The following CFAP61 variants were observed in gnomAD, a reference collection of about 807,000 sequenced individuals.
The protein encoded by CFAP61 is cilia- and flagella-associated protein 61.
Under a neutral mutation model 135.6 loss-of-function variants are expected in CFAP61, and 107 were observed. That is an observed-to-expected ratio of 0.79 (90% CI 0.67 to 0.93). The LOEUF (loss-of-function observed/expected upper bound fraction) is 0.93. Among genes scored for constraint, CFAP61 ranks in the 40% least tolerant of loss-of-function variants. CFAP61 has a pLI of 0.00. For missense variants in CFAP61, 1,507 were observed against 1,556.2 expected (o/e 0.97, Z 0.53); for synonymous variants, 575 against 578.5 (o/e 0.99, Z 0.09).
intron 8 of CFAP61, among the ~76,000 whole-genome samples, chr20:20,112,234 T>C (rs940338302): frequency 1.3e-5 from 2 of 152,194 alleles, no homozygotes; most frequent in African/African-American, 4.8e-5. Context: ...TATAATATTA[T>C]GCTATTGTTG....
chr20:20,230,936 C>G (rs1236965501), intron 18 of CFAP61, among the ~76,000 whole-genome samples: 1 of 152,248 alleles, frequency 6.6e-6, no homozygotes, highest in Non-Finnish European at 1.5e-5. Flanking sequence ...AGGCTCAGGA[C>G]AGTAACCTCT....
intron 11 of CFAP61, among the ~76,000 whole-genome samples, chr20:20,165,329 G>A (rs915708322): frequency 3.9e-5 from 6 of 152,154 alleles, no homozygotes; most frequent in African/African-American, 1.2e-4. Context: ...TGGAGAAGAT[G>A]GGCTCCATCC....
At chr20:20,327,585 CAT>C (rs1405310600) in intron 25 of CFAP61, among the ~76,000 whole-genome samples, 1 of 151,954 alleles carries the variant, frequency 6.6e-6, no homozygotes, top group Non-Finnish European at 1.5e-5. Flanking sequence ...GCTAAGGTCA[CAT>C]GTTTGTATCT....
chr20:20,162,243 A>C (rs2053463206), intron 10 of CFAP61, among the ~76,000 whole-genome samples: 1 of 152,150 alleles, frequency 6.6e-6, no homozygotes, highest in African/African-American at 2.4e-5. Flanking sequence ...CGGATCATCT[A>C]GGAGCATCTC....
chr20:20,175,323 G>A (rs1015542916), intron 13 of CFAP61, among the ~76,000 whole-genome samples: 1 of 152,116 alleles, frequency 6.6e-6, no homozygotes. Flanking sequence ...TGCAAGTGTG[G>A]TCCAGGGATC....
At chr20:20,160,650 T>C (rs1350607766) in intron 10 of CFAP61, among the ~76,000 whole-genome samples, 1 of 152,198 alleles carries the variant, frequency 6.6e-6, no homozygotes, top group Non-Finnish European at 1.5e-5. Flanking sequence ...CAGGATGTGC[T>C]GTCAGAAAGA....
At chr20:20,304,583 A>G (rs532717407) in intron 25 of CFAP61, among the ~76,000 whole-genome samples, 31 of 151,246 alleles carry the variant, frequency 2.0e-4, no homozygotes, top group Admixed American at 4.6e-4. Context: ...ACGCCCAGTC[A>G]CACGCTCACA....
At chr20:20,256,155 G>T (rs904229091) in intron 20 of CFAP61, among the ~76,000 whole-genome samples, 7 of 152,162 alleles carry the variant, frequency 4.6e-5, no homozygotes, top group Non-Finnish European at 8.8e-5. Context: ...AAGTTGCCAA[G>T]TGACTCCTGT....
At chr20:20,061,346 G>A (rs969217284) in intron 2 of CFAP61, among the ~76,000 whole-genome samples, 1 of 152,080 alleles carries the variant, frequency 6.6e-6, no homozygotes, top group Non-Finnish European at 1.5e-5. Flanking sequence ...AAATGCATCT[G>A]GACAAAAATC....
chr20:20,096,283 G>A (rs979273165), intron 7 of CFAP61, among the ~76,000 whole-genome samples: 1 of 152,196 alleles, frequency 6.6e-6, no homozygotes. Flanking sequence ...TCCACAATAT[G>A]TCCTTGCTCT....
Position 20,195,583 on chromosome 20 carries a change from G to A in CFAP61, c.1591-987G>A, listed in dbSNP as rs151252330. On this transcript the variant is annotated intron_variant, in intron 15 of 26. Transcript: ENST00000245957. ...ATCCCAGTGCAGTGTGGGGACAGAG[G>A]GGGGACCAGAACTGGGCCTGTGGAA... is the stretch of plus-strand genomic sequence containing the variant. Among the ~76,000 whole-genome samples, 21 of 151,612 alleles carry A rather than the reference G, an allele frequency of 1.4e-4. 1 individual carries two copies. The East Asian group carries it at 4.3e-3, about 31-fold the overall frequency.
At chr20:20,351,067 T>G (rs1456124313) in intron 26 of CFAP61, among the ~76,000 whole-genome samples, 1 of 152,162 alleles carries the variant, frequency 6.6e-6, no homozygotes, top group Non-Finnish European at 1.5e-5. Context: ...TGCCTACTCT[T>G]GCCACTTCTA....
rs148682568 is a variant in CFAP61 at position 20,340,313 on chromosome 20, A to G, written c.3423-1518A>G. Among the ~76,000 whole-genome samples, 14 of 152,330 alleles carry G rather than the reference A, an allele frequency of 9.2e-5. No individual in the cohort carries two copies. The East Asian group carries it at 2.7e-3, about 29-fold the overall frequency. On this transcript the variant is annotated intron_variant, in intron 25 of 26. Transcript: ENST00000245957. ...CTACACAGCCCCCATTTTCTCTAAT[A>G]CAATTCAAGTTCCTCCAAAGTTAAT...
intron 26 of CFAP61, among the ~76,000 whole-genome samples, chr20:20,351,638 A>G (rs1274041688): frequency 6.6e-6 from 1 of 152,168 alleles, no homozygotes; most frequent in Non-Finnish European, 1.5e-5. Context: ...TAAGAAAGCA[A>G]TTCCATTTAC....
At chr20:20,130,688 G>T (rs1383559047) in intron 8 of CFAP61, among the ~76,000 whole-genome samples, 1 of 151,750 alleles carries the variant, frequency 6.6e-6, no homozygotes, top group African/African-American at 2.4e-5. Flanking sequence ...CACCCATCCT[G>T]AATGGAGGAG....
At chr20:20,265,829 A>C (rs6112841) in intron 21 of CFAP61, 2,032 of 201,484 alleles carry the variant, frequency 0.01, 44 homozygotes, top group African/African-American at 0.048. Flanking sequence ...TCTTGCCTTA[A>C]AAAAACTTTC....
chr20:20,199,812 C>G lies in CFAP61; in HGVS notation c.1842C>G (p.Tyr614Ter), dbSNP rs1256572390. ...YAHSLTSALHYLVPVRPRRQI... is the reference protein window; with the variant it reads ...YAHSLTSALH ...ACTCCCTGACATCTGCCCTTCATTA[C>G]TTGGTTCCCGTGCGACCACGACGAC... The change falls in exon 17 of 27, where the codon TAC becomes TAG. Residue 614 changes from tyrosine to a stop codon, truncating the protein, a stop_gained. Coordinates refer to ENST00000245957, the MANE Select transcript of CFAP61 (RefSeq NM_015585.4). LOFTEE classifies it high-confidence loss of function. 2 of 1,614,050 alleles carry G rather than the reference C, an allele frequency of 1.2e-6. No homozygotes were observed. Among genetic ancestry groups the G allele is most frequent in the African/African-American group, 1.3e-5 (1 of 74,934 alleles).
chr20:20,350,790 G>A (rs866778769), intron 26 of CFAP61, among the ~76,000 whole-genome samples: 9 of 152,216 alleles, frequency 5.9e-5, no homozygotes, highest in Non-Finnish European at 7.3e-5. Context: ...GTCTAGCCAC[G>A]CAATGGAATA....
chr20:20,265,565 T>C, intron 21 of CFAP61: 1 of 768,246 alleles, frequency 1.3e-6, no homozygotes, highest in East Asian at 2.4e-5. Flanking sequence ...TGCCTGCTTT[T>C]GTCCACCAAA....
Sources: gnomAD v4.1 joint callset for allele counts (sites outside exome capture counted in the v4.1 genomes callset) on GRCh38, gnomAD v4.1.1 for gene constraint, MANE v1.5 for transcripts, NCBI Gene and HGNC (gene_info 2026-07-23, HGNC 2026-07-21) for gene names.